Variants in HK2 observed in about 807,000 individuals in gnomAD.
HK2 encodes the protein hexokinase-2.
In HK2, 42 loss-of-function variants were observed where a neutral mutation model predicts 92.9. That is an observed-to-expected ratio of 0.45 (90% CI 0.35 to 0.58). The LOEUF is 0.58. Ranked by LOEUF, HK2 falls within the 20% of genes least tolerant of loss-of-function variation. The pLI is 0.00. For missense variants in HK2, 978 were observed against 1,245.1 expected (o/e 0.79, Z 3.23); for synonymous variants, 422 against 468.0 (o/e 0.90, Z 1.27).
intron 7 of HK2, among the ~76,000 whole-genome samples, chr2:74,876,493 G>A (rs1315495973): frequency 3.3e-5 from 5 of 152,198 alleles, no homozygotes; most frequent in Non-Finnish European, 5.9e-5. Flanking sequence ...TCACCGGACC[G>A]CACTGCTGGT....
At chr2:74,885,285 A>G (rs1270151850) in intron 12 of HK2, among the ~76,000 whole-genome samples, 1 of 152,238 alleles carries the variant, frequency 6.6e-6, no homozygotes, top group African/African-American at 2.4e-5. Context: ...TGCATGATCT[A>G]TGCTTAGCCC....
At chr2:74,877,752 C>T (rs182549931) in intron 8 of HK2, among the ~76,000 whole-genome samples, 376 of 152,278 alleles carry the variant, frequency 2.5e-3, no homozygotes, top group African/African-American at 8.6e-3. Context: ...TTGAATTGGC[C>T]AGAGATATAG....
At chr2:74,890,199 T>C (rs1256585211) in intron 17 of HK2, among the ~76,000 whole-genome samples, 2 of 152,204 alleles carry the variant, frequency 1.3e-5, no homozygotes, top group Non-Finnish European at 2.9e-5. Flanking sequence ...CTCAGCTTTG[T>C]AGATGGGGAG....
intron 1 of HK2, among the ~76,000 whole-genome samples, chr2:74,841,847 C>T (rs1688322673): frequency 6.6e-6 from 1 of 152,218 alleles, no homozygotes; most frequent in Admixed American, 6.5e-5. Flanking sequence ...GCCAGGCTTC[C>T]CAACAAGACA....
intron 1 of HK2, among the ~76,000 whole-genome samples, chr2:74,844,153 A>G (rs762661442): frequency 3.3e-5 from 5 of 152,204 alleles, no homozygotes; most frequent in Non-Finnish European, 7.3e-5. Context: ...TGAGTCAGGT[A>G]TCAGCTGGGA....
intron 1 of HK2, among the ~76,000 whole-genome samples, chr2:74,851,236 G>C (rs1688559310): frequency 6.6e-6 from 1 of 152,206 alleles, no homozygotes; most frequent in Non-Finnish European, 1.5e-5. Flanking sequence ...CTATAAAACG[G>C]AGGTGCAGAA....
Position 74,890,826 on chromosome 2 carries a change from A to T in HK2, c.2639A>T (p.Lys880Met). Residue 880 changes from lysine to methionine, a missense_variant, in exon 18 of 18, where the codon AAG (lysine) becomes ATG (methionine). Physicochemically the swap from Lys to Met is moderately conservative, Grantham distance 95. This residue lies in a region of HK2 where 742 missense variants were observed against 922.5 expected (regional missense o/e 0.80). Transcript: ENST00000290573. ...GCCAAAGTCATGCATGAGACAGTGA[A>T]GGACCTGGCTCCGAAATGTGATGTG... Reference protein sequence around the residue: ...HFAKVMHETVKDLAPKCDVSF... With the variant: ...HFAKVMHETVMDLAPKCDVSF... The T allele has an allele frequency of 3.1e-6, 5 of 1,614,172 alleles. No individual in the cohort carries two copies. The highest frequency in any genetic ancestry group is 4.2e-6 in the Non-Finnish European group (5 of 1,180,018).
At position 74,886,334 on chromosome 2, in the gene HK2, T is replaced by A; in HGVS notation, c.1976T>A (p.Val659Asp). 1.9e-6 allele frequency: 3 copies of A among 1,614,134 alleles called. No individual in the cohort carries two copies. Among genetic ancestry groups the A allele is most frequent in the Non-Finnish European group, 2.5e-6 (3 of 1,180,012 alleles). The change falls in exon 14 of 18, where the codon GTC becomes GAC. Residue 659 changes from valine to aspartate, a missense_variant. This residue lies in a region of HK2 where 742 missense variants were observed against 922.5 expected (regional missense o/e 0.80). Transcript: ENST00000290573. The part of the protein sequence containing the change: ...LDVVAVVNDT[V>D]GTMMTCGFED... The stretch of plus-strand genomic sequence containing the variant: ...GTGGTTGCTGTGGTGAACGACACAG[T>A]CGGAACTATGATGACCTGTGGCTTT...
intron 9 of HK2, among the ~76,000 whole-genome samples, chr2:74,879,962 G>A (rs1351539438): frequency 2.0e-5 from 3 of 152,220 alleles, no homozygotes; most frequent in African/African-American, 4.8e-5. Context: ...GGGAGCAGTG[G>A]CCAGGGGGCC....
intron 4 of HK2, 84 bp downstream of exon 4, chr2:74,872,503 G>A (rs1434363175): frequency 3.3e-6 from 5 of 1,521,986 alleles, no homozygotes; most frequent in Non-Finnish European, 3.6e-6. Context: ...CTGCTGTGGT[G>A]GTGGTGGTAG....
chr2:74,885,682 G>A, intron 13 of HK2, 93 bp downstream of exon 13: 1 of 867,776 alleles, frequency 1.2e-6, no homozygotes, highest in Non-Finnish European at 2.0e-6. Flanking sequence ...AGTAAGTGTG[G>A]CTGCATGGGT....
In HK2 at chr2:74,891,065, G is replaced by A; in HGVS notation, c.*124G>A. On this transcript the variant is annotated 3_prime_UTR_variant, in exon 18 of 18. Coordinates refer to ENST00000290573, the MANE Select transcript of HK2 (RefSeq NM_000189.5). ...TTTGCTTGGCAGAGAGGACCCCACT[G>A]GACTGGGTTTTGTCTCTGCATCTCA... 1.7e-6 allele frequency: 2 copies of A among 1,164,438 alleles called. No homozygotes were observed. Among genetic ancestry groups the A allele is most frequent in the Admixed American group, 4.0e-5 (2 of 49,928 alleles). The allele number at this position is 1,164,438 out of a possible 1,614,324, so 72.1% of individuals were successfully genotyped here. A position where few individuals can be genotyped will look rare whatever the true frequency, so the allele number is the denominator to read the frequency against.
chr2:74,881,330 C>G (rs1254089365), intron 10 of HK2, among the ~76,000 whole-genome samples: 1 of 152,216 alleles, frequency 6.6e-6, no homozygotes, highest in Non-Finnish European at 1.5e-5. Flanking sequence ...CAGAGACAGA[C>G]TGGGATTTGG....
At chr2:74,835,800 G>T (rs980585641) in intron 1 of HK2, among the ~76,000 whole-genome samples, 1 of 152,244 alleles carries the variant, frequency 6.6e-6, no homozygotes, top group African/African-American at 2.4e-5. Context: ...GCGTTGCTCA[G>T]TTACATACTT....
chr2:74,865,576 T>C (rs1688925853), intron 2 of HK2, among the ~76,000 whole-genome samples: 1 of 151,844 alleles, frequency 6.6e-6, no homozygotes, highest in African/African-American at 2.4e-5. Context: ...AGAGCTGGAG[T>C]GTCTGGAAAA....
chr2:74,891,833 T>A lies in HK2; in HGVS notation c.*892T>A, dbSNP rs1422330981. The A allele has an allele frequency of 2.0e-5, 3 of 152,778 alleles. No individual in the cohort carries two copies. The highest frequency in any genetic ancestry group is 4.4e-5 in the Non-Finnish European group (3 of 68,032). The allele number at this position is 152,778 out of a possible 1,614,324, so 9.5% of individuals were successfully genotyped here. A position where few individuals can be genotyped will look rare whatever the true frequency, so the allele number is the denominator to read the frequency against. On this transcript the variant is annotated 3_prime_UTR_variant, in exon 18 of 18. Transcript: ENST00000290573. ...AATGTATTTATATGTTAATTTGTTA[T>A]GTATATAGATGTGCAAGTCTTGTCA... is the stretch of plus-strand genomic sequence containing the variant.
intron 3 of HK2, among the ~76,000 whole-genome samples, chr2:74,871,149 C>G (rs1361001162): frequency 6.6e-6 from 1 of 152,198 alleles, no homozygotes; most frequent in Non-Finnish European, 1.5e-5. Flanking sequence ...TGGGCCCCAC[C>G]CCCAGAGTTT....
At chr2:74,882,742 A>G (rs1689435012) in intron 12 of HK2, among the ~76,000 whole-genome samples, 1 of 151,658 alleles carries the variant, frequency 6.6e-6, no homozygotes, top group African/African-American at 2.4e-5. Context: ...TACAGAAAGG[A>G]AGATAAGCCC....
chr2:74,860,463 ATATGTGAGTTTTGCC>A (rs1210929870), intron 2 of HK2, among the ~76,000 whole-genome samples: 1 of 152,198 alleles, frequency 6.6e-6, no homozygotes, highest in Non-Finnish European at 1.5e-5. Context: ...TATTTTCCAC[ATATGTGAGTTTTGCC>A]TGTTCCAGAA....
Sources: allele counts gnomAD v4.1 joint callset (sites outside exome capture counted in the v4.1 genomes callset), GRCh38; gene constraint gnomAD v4.1.1; regional missense constraint gnomAD v4.1.1; transcripts MANE v1.5; gene names NCBI Gene and HGNC (gene_info 2026-07-23, HGNC 2026-07-21).